Variants in TEAD1 observed in about 807,000 individuals in gnomAD.
The protein encoded by TEAD1 is TEA domain transcription factor 1.
A neutral mutation model predicts 54.9 loss-of-function variants in TEAD1; 9 were observed. The observed-to-expected ratio is 0.16, with a 90% CI of 0.10 to 0.29. The LOEUF is 0.29. Among genes scored for constraint, TEAD1 ranks in the 10% least tolerant of loss-of-function variants. The probability of loss-of-function intolerance (pLI) is 1.00; values close to 1 mark genes in which losing one functional copy is unlikely to be tolerated. For synonymous variants in TEAD1, 200 were observed against 187.8 expected, an observed-to-expected ratio of 1.07 and a Z score of -0.53; for missense variants, 387 against 535.9, an observed-to-expected ratio of 0.72 and a Z score of 2.74.
intron 2 of TEAD1, among the ~76,000 whole-genome samples, chr11:12,735,633 AC>A (rs1186572351): frequency 1.4e-5 from 2 of 147,672 alleles, no homozygotes; most frequent in African/African-American, 5.0e-5. Flanking sequence ...TATAGCTGTG[AC>A]CAAGGCAGAC....
Position 12,892,826 on chromosome 11 carries a change from T to A in TEAD1, c.700-9114T>A, listed in dbSNP as rs186292735. On this transcript the variant is annotated intron_variant, in intron 9 of 12. Coordinates refer to ENST00000527636, the MANE Select transcript of TEAD1 (RefSeq NM_021961.6). ...GCTCCATCTTGGGGTGGAGAATGGC[T>A]GTTTGAACAAATCTGGTTCCTGGTC... Among the ~76,000 whole-genome samples the A allele has an allele frequency of 4.6e-5, 7 of 152,248 alleles. No homozygotes were observed. In the South Asian group the frequency reaches 8.4e-4, roughly 18 times the overall value.
chr11:12,795,657 A>G (rs894001824), intron 3 of TEAD1, among the ~76,000 whole-genome samples: 1 of 152,186 alleles, frequency 6.6e-6, no homozygotes, highest in South Asian at 2.1e-4. Flanking sequence ...TGGTCCATGG[A>G]CCAACTGGCA....
At chr11:12,875,386 C>G (rs995797159) in intron 5 of TEAD1, among the ~76,000 whole-genome samples, 1 of 152,334 alleles carries the variant, frequency 6.6e-6, no homozygotes, top group Middle Eastern at 3.4e-3. Flanking sequence ...CTGCAAATGA[C>G]AATTTAGAGG....
intron 2 of TEAD1, among the ~76,000 whole-genome samples, chr11:12,714,522 A>G (rs1477770979): frequency 6.6e-6 from 1 of 152,146 alleles, no homozygotes; most frequent in Non-Finnish European, 1.5e-5. Flanking sequence ...TGGCTTTGTT[A>G]AATGAGAGCC....
chr11:12,773,511 G>A (rs1945354594), intron 3 of TEAD1, among the ~76,000 whole-genome samples: 1 of 152,152 alleles, frequency 6.6e-6, no homozygotes, highest in African/African-American at 2.4e-5. Flanking sequence ...TTTCCTTAAA[G>A]ACTAACGATG....
At chr11:12,828,923 G>T (rs114780041) in intron 3 of TEAD1, among the ~76,000 whole-genome samples, 1 of 150,794 alleles carries the variant, frequency 6.6e-6, no homozygotes, top group Non-Finnish European at 1.5e-5. Context: ...GTTAAATTCT[G>T]TTGTGTATAT....
At chr11:12,740,255 T>G (rs534848260) in intron 2 of TEAD1, among the ~76,000 whole-genome samples, 1 of 152,336 alleles carries the variant, frequency 6.6e-6, no homozygotes, top group African/African-American at 2.4e-5. Context: ...GTAGTACTTT[T>G]CTCATAGTAT....
At chr11:12,930,088 T>G (rs1948987209) in intron 11 of TEAD1, 86 bp from the exon 12 acceptor site, 8 of 1,546,868 alleles carry the variant, frequency 5.2e-6, no homozygotes, top group Non-Finnish European at 7.1e-6. Flanking sequence ...GTTGAAAAAC[T>G]AAAATGCTTT....
At chr11:12,911,186 G>A (rs1354143444) in intron 10 of TEAD1, among the ~76,000 whole-genome samples, 1 of 152,224 alleles carries the variant, frequency 6.6e-6, no homozygotes, top group Admixed American at 6.5e-5. Flanking sequence ...ATTAGAAGAT[G>A]CTTTTGTCTT....
At chr11:12,811,854 G>A (rs1309696721) in intron 3 of TEAD1, among the ~76,000 whole-genome samples, 3 of 144,630 alleles carry the variant, frequency 2.1e-5, no homozygotes, top group Non-Finnish European at 4.6e-5. Flanking sequence ...CTGGGTGGGG[G>A]TGGGGGTGGG....
intron 9 of TEAD1, among the ~76,000 whole-genome samples, chr11:12,893,603 G>A (rs1012306499): frequency 5.3e-5 from 8 of 152,112 alleles, no homozygotes; most frequent in South Asian, 2.1e-4. Flanking sequence ...TCACTCAGTC[G>A]GTGGGCCTTT....
chr11:12,694,985 G>A (rs943971089), intron 2 of TEAD1, among the ~76,000 whole-genome samples: 4 of 152,176 alleles, frequency 2.6e-5, no homozygotes, highest in African/African-American at 4.8e-5. Flanking sequence ...TTCATAGCTG[G>A]CAATAGCTCA....
At chr11:12,864,626 T>TGTTTTGTTTTGTTTG (rs1188876417) in intron 4 of TEAD1, 21 of 1,128,906 alleles carry the variant, frequency 1.9e-5, no homozygotes, top group Non-Finnish European at 2.5e-5. Flanking sequence ...TTTTTTGTTT[T>TGTTTTGTTTTGTTTG]GTTTTGTTTT....
At chr11:12,744,500 A>C (rs951511691) in intron 2 of TEAD1, among the ~76,000 whole-genome samples, 1 of 152,232 alleles carries the variant, frequency 6.6e-6, no homozygotes, top group Admixed American at 6.5e-5. Context: ...TTAGGTGGGC[A>C]ATAAAAACCT....
chr11:12,786,682 C>T (rs1436963251), intron 3 of TEAD1, among the ~76,000 whole-genome samples: 1 of 152,142 alleles, frequency 6.6e-6, no homozygotes, highest in Non-Finnish European at 1.5e-5. Context: ...AGATGCCACT[C>T]TAGGCACTGG....
At chr11:12,786,600 C>G (rs1390916643) in intron 3 of TEAD1, among the ~76,000 whole-genome samples, 1 of 152,174 alleles carries the variant, frequency 6.6e-6, no homozygotes, top group Non-Finnish European at 1.5e-5. Flanking sequence ...CCTGATTTTG[C>G]TTACCTCTGG....
intron 5 of TEAD1, among the ~76,000 whole-genome samples, chr11:12,878,064 C>T (rs1482137242): frequency 5.9e-5 from 9 of 152,120 alleles, no homozygotes; most frequent in Non-Finnish European, 1.0e-4. Flanking sequence ...ACCTCAGCCT[C>T]ACAAAGTGCT....
chr11:12,717,042 T>A (rs1453138540), intron 2 of TEAD1, among the ~76,000 whole-genome samples: 3 of 152,204 alleles, frequency 2.0e-5, no homozygotes, highest in Non-Finnish European at 4.4e-5. Flanking sequence ...TACCATAGTT[T>A]GCTGTACAGA....
At chr11:12,772,890 C>T (rs966565545) in intron 3 of TEAD1, among the ~76,000 whole-genome samples, 6 of 152,154 alleles carry the variant, frequency 3.9e-5, no homozygotes, top group African/African-American at 7.2e-5. Context: ...ATGTCTCCAC[C>T]GCCACAATCA....
Sources: allele counts gnomAD v4.1 joint callset (sites outside exome capture counted in the v4.1 genomes callset), GRCh38; gene constraint gnomAD v4.1.1; transcripts MANE v1.5; gene names NCBI Gene and HGNC (gene_info 2026-07-23, HGNC 2026-07-21).